Variants in CADPS2 observed in about 807,000 individuals in gnomAD.
The protein encoded by CADPS2 is calcium dependent secretion activator 2, also known as calcium-dependent secretion activator 2.
Under a neutral mutation model 172.5 loss-of-function variants are expected in CADPS2, and 93 were observed. That is an observed-to-expected ratio of 0.54 (90% CI 0.46 to 0.64). The LOEUF (loss-of-function observed/expected upper bound fraction) is 0.64, where lower values mean the gene tolerates loss of function less well. Among genes scored for constraint, CADPS2 ranks in the 30% least tolerant of loss-of-function variants. The pLI, the probability that CADPS2 is intolerant of heterozygous loss-of-function variation, is 0.00. For synonymous variants in CADPS2, 546 were observed against 555.2 expected, an observed-to-expected ratio of 0.98 and a Z score of 0.23; for missense variants, 1,420 against 1,565.9, an observed-to-expected ratio of 0.91 and a Z score of 1.57.
intron 8 of CADPS2, among the ~76,000 whole-genome samples, chr7:122,543,877 CTA>C (rs778444691): frequency 1.3e-5 from 2 of 151,866 alleles, no homozygotes; most frequent in Non-Finnish European, 2.9e-5. Context: ...AATAATATAA[CTA>C]TAAACAAAAA....
intron 8 of CADPS2, among the ~76,000 whole-genome samples, chr7:122,532,545 T>G (rs973842044): frequency 3.3e-5 from 1 of 30,354 alleles, no homozygotes. Context: ...CCCACCCCCC[T>G]ACCCCGCCAA....
chr7:122,751,479 C>CT (rs1162986669), intron 1 of CADPS2, among the ~76,000 whole-genome samples: 4 of 152,270 alleles, frequency 2.6e-5, no homozygotes, highest in African/African-American at 9.6e-5. Flanking sequence ...CAGGACAATT[C>CT]TCCCTCACAC....
chr7:122,356,548 A>G (rs1208163119), intron 27 of CADPS2, among the ~76,000 whole-genome samples: 2 of 152,102 alleles, frequency 1.3e-5, no homozygotes, highest in African/African-American at 2.4e-5. Flanking sequence ...TACATCCCAC[A>G]CTTAAGGAGT....
At chr7:122,540,566 A>T (rs1280254319) in intron 8 of CADPS2, among the ~76,000 whole-genome samples, 1 of 152,122 alleles carries the variant, frequency 6.6e-6, no homozygotes, top group East Asian at 1.9e-4. Flanking sequence ...TGACACTTTA[A>T]TTAGTAATGT....
chr7:122,480,780 G>T, intron 12 of CADPS2, 72 bp downstream of exon 12: 1 of 1,029,638 alleles, frequency 9.7e-7, no homozygotes, highest in South Asian at 1.6e-5. Context: ...ACAAGATCAT[G>T]ATATTCCTCA....
chr7:122,684,617 C>T (rs1268624631), intron 2 of CADPS2, among the ~76,000 whole-genome samples: 1 of 152,030 alleles, frequency 6.6e-6, no homozygotes, highest in Non-Finnish European at 1.5e-5. Context: ...GATGAGAAAT[C>T]AATAAATACC....
chr7:122,633,796 C>T (rs1246168303), intron 3 of CADPS2, among the ~76,000 whole-genome samples: 1 of 152,122 alleles, frequency 6.6e-6, no homozygotes, highest in Non-Finnish European at 1.5e-5. Flanking sequence ...ATAGTTCCAG[C>T]TCTTCTCCAT....
chr7:122,564,366 T>A (rs1396518818), intron 7 of CADPS2, among the ~76,000 whole-genome samples: 1 of 152,142 alleles, frequency 6.6e-6, no homozygotes, highest in Non-Finnish European at 1.5e-5. Flanking sequence ...TGGAGTGCAG[T>A]GGCATGATCT....
chr7:122,822,694 A>G (rs13309209), intron 1 of CADPS2, among the ~76,000 whole-genome samples: 30,259 of 148,836 alleles, frequency 0.2, 2,877 homozygotes, highest in Middle Eastern at 0.31. Flanking sequence ...CACCACAAAA[A>G]AAGTGTAAAT....
intron 1 of CADPS2, among the ~76,000 whole-genome samples, chr7:122,876,029 A>C (rs1821111019): frequency 6.6e-6 from 1 of 152,186 alleles, no homozygotes; most frequent in African/African-American, 2.4e-5. Context: ...TTAAAAAAAA[A>C]ATGGAATCTG....
chr7:122,796,249 A>G (rs1462020371), intron 1 of CADPS2, among the ~76,000 whole-genome samples: 1 of 152,250 alleles, frequency 6.6e-6, no homozygotes, highest in Non-Finnish European at 1.5e-5. Flanking sequence ...GCTCATGGAT[A>G]GGAAGACTCA....
chr7:122,393,108 C>T, intron 22 of CADPS2, 88 bp downstream of exon 22: 1 of 1,407,220 alleles, frequency 7.1e-7, no homozygotes, highest in Non-Finnish European at 9.5e-7. Flanking sequence ...ATGACAAATG[C>T]CATGCAGTCT....
chr7:122,554,793 C>T (rs2064819311), intron 7 of CADPS2, 104 bp from the exon 8 acceptor site: 1 of 962,044 alleles, frequency 1.0e-6, no homozygotes. Flanking sequence ...ATGATGTCAA[C>T]ACCCAAATGT....
At chr7:122,872,212 A>G (rs573117847) in intron 1 of CADPS2, among the ~76,000 whole-genome samples, 173 of 152,226 alleles carry the variant, frequency 1.1e-3, no homozygotes, top group Non-Finnish European at 9.6e-4. Context: ...GAAAAAGGAT[A>G]AAGTTCAAAG....
At chr7:122,645,289 A>G (rs1033860928) in intron 3 of CADPS2, among the ~76,000 whole-genome samples, 5 of 141,700 alleles carry the variant, frequency 3.5e-5, no homozygotes, top group East Asian at 4.2e-4. Context: ...ACACATATGT[A>G]CATATATACA....
intron 3 of CADPS2, among the ~76,000 whole-genome samples, chr7:122,645,231 GTA>G (rs201301272): frequency 1.3e-4 from 2 of 15,570 alleles, no homozygotes; most frequent in African/African-American, 3.5e-4. Context: ...TATACGCTAA[GTA>G]TATATATACA....
At chr7:122,380,343 G>A (rs2042844970) in intron 24 of CADPS2, among the ~76,000 whole-genome samples, 2 of 151,998 alleles carry the variant, frequency 1.3e-5, no homozygotes. Flanking sequence ...CTATCTTGAT[G>A]GTTCAAGGCT....
chr7:122,594,949 A>T (rs985732006), intron 6 of CADPS2, among the ~76,000 whole-genome samples: 1 of 152,044 alleles, frequency 6.6e-6, no homozygotes, highest in Admixed American at 6.6e-5. Flanking sequence ...TAAAACATGC[A>T]CAAATCCCCC....
intron 1 of CADPS2, among the ~76,000 whole-genome samples, chr7:122,872,427 A>G (rs996057564): frequency 2.0e-5 from 3 of 152,132 alleles, no homozygotes; most frequent in African/African-American, 7.2e-5. Context: ...AGCTTATAAT[A>G]TAAAACACGT....
Sources: gnomAD v4.1 joint callset for allele counts (sites outside exome capture counted in the v4.1 genomes callset) on GRCh38, gnomAD v4.1.1 for gene constraint, MANE v1.5 for transcripts, NCBI Gene and HGNC (gene_info 2026-07-23, HGNC 2026-07-21) for gene names.